CNTN4: variants seen among roughly 807,000 people sequenced by gnomAD.
CNTN4 encodes the protein contactin 4.
A neutral mutation model predicts 122.5 loss-of-function variants in CNTN4; 77 were observed. The ratio of observed to expected loss-of-function variants is 0.63; its 90% confidence interval spans 0.52 to 0.76. The LOEUF (loss-of-function observed/expected upper bound fraction) is 0.76, where lower values mean the gene tolerates loss of function less well. Among genes scored for constraint, CNTN4 ranks in the 30% least tolerant of loss-of-function variants. CNTN4 has a pLI of 0.00. For synonymous variants in CNTN4, 512 were observed against 447.0 expected (o/e 1.15, Z -1.83); for missense variants, 1,256 against 1,259.1 (o/e 1.00, Z 0.04).
intron 3 of CNTN4, among the ~76,000 whole-genome samples, chr3:2,474,519 G>A (rs1407085402): frequency 1.3e-5 from 2 of 152,036 alleles, no homozygotes; most frequent in African/African-American, 4.8e-5. Context: ...ATTACTCTAA[G>A]GAATGTGTAA....
At position 2,396,317 on chromosome 3, in the gene CNTN4, G is replaced by A. The variant is rs189583109; in HGVS notation, c.-89+57084G>A. Among the ~76,000 whole-genome samples the A allele has an allele frequency of 1.9e-3, 290 of 152,252 alleles. 1 individual carries two copies. Among genetic ancestry groups the A allele is most frequent in the African/African-American group, 4.5e-3 (187 of 41,544 alleles). ...TGGGATTACAGGCATGAGCCAAAGC[G>A]CCCAGCCTAGCCTGTTTTTAAGTAT... On this transcript the variant is annotated intron_variant, in intron 3 of 24. Transcript: ENST00000418658.
chr3:2,522,157 G>GTGTA (rs1407656196), intron 3 of CNTN4, among the ~76,000 whole-genome samples: 1 of 121,794 alleles, frequency 8.2e-6, no homozygotes, highest in Non-Finnish European at 1.6e-5. Flanking sequence ...GTTTGTGTGT[G>GTGTA]TGTGTGTGTG....
chr3:2,689,750 C>T (rs2149177972), intron 4 of CNTN4, among the ~76,000 whole-genome samples: 1 of 152,152 alleles, frequency 6.6e-6, no homozygotes, highest in African/African-American at 2.4e-5. Flanking sequence ...GTGCTCTGGC[C>T]CCAGTTTCCC....
At chr3:2,378,727 G>T (rs2045911797) in intron 3 of CNTN4, among the ~76,000 whole-genome samples, 1 of 150,294 alleles carries the variant, frequency 6.7e-6, no homozygotes, top group Admixed American at 6.6e-5. Context: ...GACATTTCAA[G>T]CTTAGCTCCT....
intron 2 of CNTN4, among the ~76,000 whole-genome samples, chr3:2,294,005 G>C (rs1335078717): frequency 6.6e-6 from 1 of 152,148 alleles, no homozygotes; most frequent in African/African-American, 2.4e-5. Flanking sequence ...GTTTCTAGCA[G>C]TTGAGTTGCT....
chr3:2,661,012 T>G lies in CNTN4; in HGVS notation c.56-75203T>G, dbSNP rs375855674. On this transcript the variant is annotated intron_variant, in intron 4 of 24. Transcript: ENST00000418658. Reference sequence around the variant, plus strand: ...ACACTGACCTTTGCCAAGCACTGTTTCAAGCTCTTCCCATGATTTTTTGGT... The same window carrying G: ...ACACTGACCTTTGCCAAGCACTGTTGCAAGCTCTTCCCATGATTTTTTGGT... Among the ~76,000 whole-genome samples the G allele has an allele frequency of 5.4e-4, 82 of 152,342 alleles. 1 individual carries two copies. Among genetic ancestry groups the G allele is most frequent in the African/African-American group, 1.9e-3 (79 of 41,568 alleles).
chr3:2,351,229 C>G (rs997660206), intron 3 of CNTN4, among the ~76,000 whole-genome samples: 1 of 152,120 alleles, frequency 6.6e-6, no homozygotes, highest in Admixed American at 6.6e-5. Flanking sequence ...AATAGTCAAA[C>G]TAGAAAGAGT....
chr3:2,210,536 C>G (rs2038569593), intron 2 of CNTN4, among the ~76,000 whole-genome samples: 1 of 152,080 alleles, frequency 6.6e-6, no homozygotes, highest in African/African-American at 2.4e-5. Flanking sequence ...GATGATTCAC[C>G]TATTAAAAAA....
chr3:2,841,768 G>A lies in CNTN4; in HGVS notation c.454+22187G>A, dbSNP rs1357434615. ...ACTCATGATAACATGATCATTTTCA[G>A]GAATTTTATTCTTCCTCCCTTGACC... On this transcript the variant is annotated intron_variant, in intron 7 of 24. Transcript: ENST00000418658. This position sits in a 1 kb window ranked among gnomAD's most constrained non-coding sequence, Gnocchi z 4.8. 6.6e-6 allele frequency among the ~76,000 whole-genome samples: 1 copy of A among 152,090 alleles called. No individual in the cohort carries two copies. Among genetic ancestry groups the A allele is most frequent in the Non-Finnish European group, 1.5e-5 (1 of 68,024 alleles).
chr3:2,330,316 G>T (rs138001846), intron 2 of CNTN4, among the ~76,000 whole-genome samples: 2 of 152,174 alleles, frequency 1.3e-5, no homozygotes, highest in Non-Finnish European at 2.9e-5. Flanking sequence ...AAGCTCTCCA[G>T]TTGCAGTCCT....
chr3:2,289,082 C>T (rs901035607), intron 2 of CNTN4, among the ~76,000 whole-genome samples: 1 of 152,142 alleles, frequency 6.6e-6, no homozygotes, highest in South Asian at 2.1e-4. Context: ...TTAGTATAGA[C>T]TCAAAAGTAC....
intron 3 of CNTN4, among the ~76,000 whole-genome samples, chr3:2,522,799 C>G (rs1291880362): frequency 6.6e-6 from 1 of 151,928 alleles, no homozygotes; most frequent in Non-Finnish European, 1.5e-5. Context: ...GTGGAATTCC[C>G]TGTTCAGCCC....
intron 19 of CNTN4, chr3:3,039,250 G>A (rs1699922624): frequency 7.1e-6 from 3 of 423,918 alleles, no homozygotes; most frequent in Non-Finnish European, 4.3e-6. Context: ...GACAACACAC[G>A]TTACAAAAAA....
At chr3:2,768,765 G>A (rs2320963) in intron 6 of CNTN4, among the ~76,000 whole-genome samples, 107,551 of 152,040 alleles carry the variant, frequency 0.71, 39,709 homozygotes, top group Non-Finnish European at 0.82. Flanking sequence ...TGTCTATATC[G>A]TTTTCCTTTT....
intron 14 of CNTN4, among the ~76,000 whole-genome samples, chr3:3,023,268 G>A (rs1303207683): frequency 6.6e-6 from 1 of 152,070 alleles, no homozygotes; most frequent in East Asian, 1.9e-4. Flanking sequence ...AGTGCATGAC[G>A]TTGCATTGAT....
At chr3:2,431,701 T>G (rs2151203428) in intron 3 of CNTN4, among the ~76,000 whole-genome samples, 1 of 152,288 alleles carries the variant, frequency 6.6e-6, no homozygotes, top group African/African-American at 2.4e-5. Flanking sequence ...CTCAGGGATA[T>G]AGAAACTATA....
chr3:2,670,326 G>C (rs1050910800), intron 4 of CNTN4, among the ~76,000 whole-genome samples: 3 of 152,170 alleles, frequency 2.0e-5, no homozygotes, highest in Non-Finnish European at 4.4e-5. Flanking sequence ...TTGTTGAATT[G>C]ATCCCTTTAC....
intron 3 of CNTN4, among the ~76,000 whole-genome samples, chr3:2,342,580 G>A (rs2044250806): frequency 6.6e-6 from 1 of 152,092 alleles, no homozygotes; most frequent in African/African-American, 2.4e-5. Flanking sequence ...GAATCAAGGG[G>A]GCAGTGATCC....
intron 2 of CNTN4, among the ~76,000 whole-genome samples, chr3:2,263,863 A>G (rs2040937209): frequency 8.1e-6 from 1 of 123,780 alleles, no homozygotes; most frequent in South Asian, 2.6e-4. Context: ...TTTGTATATA[A>G]GTGAAAATAT....
Sources: allele counts gnomAD v4.1 joint callset (sites outside exome capture counted in the v4.1 genomes callset), GRCh38; gene constraint gnomAD v4.1.1; non-coding constraint Gnocchi (gnomAD v3.1); transcripts MANE v1.5; gene names NCBI Gene and HGNC (gene_info 2026-07-23, HGNC 2026-07-21).